The following PCNX2 variants were observed in gnomAD, a reference collection of about 807,000 sequenced individuals.
PCNX2 encodes pecanex-like protein 2.
A neutral mutation model predicts 223.8 loss-of-function variants in PCNX2; 168 were observed. The observed-to-expected ratio is 0.75, with a 90% CI of 0.66 to 0.85. The LOEUF (loss-of-function observed/expected upper bound fraction) is 0.85. Among genes scored for constraint, PCNX2 ranks in the 40% least tolerant of loss-of-function variants. The pLI, the probability that PCNX2 is intolerant of heterozygous loss-of-function variation, is 0.00. For synonymous variants in PCNX2, 1,006 were observed against 1,052.6 expected, an observed-to-expected ratio of 0.96 and a Z score of 0.86; for missense variants, 2,507 against 2,675.5, an observed-to-expected ratio of 0.94 and a Z score of 1.39.
chr1:233,243,073 G>A (rs551264188), intron 8 of PCNX2, among the ~76,000 whole-genome samples: 2 of 152,332 alleles, frequency 1.3e-5, no homozygotes, highest in Non-Finnish European at 2.9e-5. Context: ...TTCTGCAGCA[G>A]TCCACAAGAA....
intron 25 of PCNX2, among the ~76,000 whole-genome samples, chr1:233,048,011 T>C (rs1671877029): frequency 6.6e-6 from 1 of 152,188 alleles, no homozygotes; most frequent in African/African-American, 2.4e-5. Context: ...ATCATCCATA[T>C]TCTTGGACCA....
At chr1:233,007,736 C>T (rs978460508) in intron 28 of PCNX2, among the ~76,000 whole-genome samples, 9 of 151,674 alleles carry the variant, frequency 5.9e-5, no homozygotes, top group Non-Finnish European at 1.5e-5. Context: ...GACGGGGTTT[C>T]ACCATGTTGG....
At chr1:233,298,595 C>G (rs1027485725), upstream of PCNX2, among the ~76,000 whole-genome samples, 3 of 152,120 alleles carry the variant, frequency 2.0e-5, no homozygotes, top group Non-Finnish European at 4.4e-5. Flanking sequence ...AATATTAAAA[C>G]CTAAGTATGC....
intron 17 of PCNX2, chr1:233,172,389 C>T: frequency 1.0e-6 from 1 of 985,398 alleles, no homozygotes; most frequent in East Asian, 1.1e-4. Context: ...GATTTGGTGC[C>T]ATCTAGTTGT....
chr1:233,105,696 G>A (rs149137885), intron 21 of PCNX2, among the ~76,000 whole-genome samples: 14 of 152,228 alleles, frequency 9.2e-5, no homozygotes, highest in African/African-American at 2.6e-4. Context: ...TAAATGTGGC[G>A]TTAATAAAGG....
At chr1:233,071,996 T>G (rs1465236070) in intron 23 of PCNX2, among the ~76,000 whole-genome samples, 1 of 152,218 alleles carries the variant, frequency 6.6e-6, no homozygotes, top group Non-Finnish European at 1.5e-5. Context: ...ATGGGGTTGT[T>G]TTTCTCTTGT....
At chr1:233,075,738 C>CACA (rs773006844) in intron 23 of PCNX2, among the ~76,000 whole-genome samples, 29 of 147,836 alleles carry the variant, frequency 2.0e-4, no homozygotes, top group African/African-American at 7.0e-4. Flanking sequence ...CACACACACA[C>CACA]AACAGAAAAG....
chr1:233,218,532 G>T (rs990833767), intron 10 of PCNX2, among the ~76,000 whole-genome samples: 1 of 152,052 alleles, frequency 6.6e-6, no homozygotes, highest in Admixed American at 6.5e-5. Context: ...TTACAGGCGT[G>T]AGCCACCGTG....
chr1:233,071,992 T>G (rs1249494416), intron 23 of PCNX2, among the ~76,000 whole-genome samples: 1 of 152,196 alleles, frequency 6.6e-6, no homozygotes, highest in Non-Finnish European at 1.5e-5. Flanking sequence ...TTTAATGGGG[T>G]TGTTTTTCTC....
rs1243312441 is a variant in PCNX2 at position 233,258,122 on chromosome 1, G to A, written c.1740C>T (p.Val580=). 5.0e-6 allele frequency: 8 copies of A among 1,613,948 alleles called. 1 individual carries two copies. Among genetic ancestry groups the A allele is most frequent in the Admixed American group, 1.7e-5 (1 of 60,032 alleles). Residue 580 remains valine, a synonymous_variant, in exon 5 of 34, where the codon GTC becomes GTT. Transcript: ENST00000258229. ...MPNESNFLEF[V]SLLESINTSK... ...AAGTATTAATGGATTCTAACAGGGAGACAAATTCCAGGAAGTTGGACTCAT... is the reference window on the plus strand; with the variant it reads ...AAGTATTAATGGATTCTAACAGGGAAACAAATTCCAGGAAGTTGGACTCAT...
intron 21 of PCNX2, chr1:233,134,639 GAGAC>G (rs1168855344): frequency 8.0e-6 from 2 of 251,086 alleles, no homozygotes; most frequent in African/African-American, 4.4e-5. Flanking sequence ...AGAAGGGAGG[GAGAC>G]AGGGAGGGAG....
chr1:233,265,189 G>A (rs1660263229), intron 1 of PCNX2, among the ~76,000 whole-genome samples: 1 of 151,226 alleles, frequency 6.6e-6, no homozygotes, highest in South Asian at 2.1e-4. Flanking sequence ...TTTACAGTGA[G>A]CTATAATCAT....
chr1:233,086,283 A>G (rs1395377400), intron 23 of PCNX2, among the ~76,000 whole-genome samples: 1 of 152,204 alleles, frequency 6.6e-6, no homozygotes, highest in Non-Finnish European at 1.5e-5. Context: ...AGAAGGGTCT[A>G]TATCTGTGCT....
At chr1:233,193,954 G>A (rs149755095) in intron 15 of PCNX2, among the ~76,000 whole-genome samples, 79 of 151,948 alleles carry the variant, frequency 5.2e-4, no homozygotes, top group African/African-American at 1.9e-3. Context: ...ATAATTGGAG[G>A]CCCAAGAAGA....
intron 21 of PCNX2, among the ~76,000 whole-genome samples, chr1:233,125,069 A>G (rs1676021074): frequency 6.6e-6 from 1 of 152,242 alleles, no homozygotes; most frequent in Admixed American, 6.5e-5. Flanking sequence ...AAGGAAGAAC[A>G]GAGTACCTGA....
chr1:233,160,665 A>G (rs1678415706), intron 18 of PCNX2, among the ~76,000 whole-genome samples: 2 of 152,222 alleles, frequency 1.3e-5, no homozygotes, highest in South Asian at 2.1e-4. Context: ...ACAGAGGCCA[A>G]CAGAATTATG....
the PCNX2 span, among the ~76,000 whole-genome samples, chr1:233,307,796 G>A: frequency 6.6e-6 from 1 of 152,186 alleles, no homozygotes; most frequent in Non-Finnish European, 1.5e-5. Context: ...TAAATTGTCT[G>A]TGTGCTAAGG....
intron 21 of PCNX2, among the ~76,000 whole-genome samples, chr1:233,120,108 A>G (rs1468044253): frequency 7.0e-6 from 1 of 143,638 alleles, no homozygotes; most frequent in Non-Finnish European, 1.5e-5. Context: ...CAGAGGTTGC[A>G]GTGAGCCGAG....
At chr1:233,087,060 T>G in intron 23 of PCNX2, 1 of 985,236 alleles carries the variant, frequency 1.0e-6, no homozygotes. Flanking sequence ...GAACAGGAGG[T>G]CTGCAGGTTT....
Sources: gnomAD v4.1 joint callset for allele counts (sites outside exome capture counted in the v4.1 genomes callset) on GRCh38, gnomAD v4.1.1 for gene constraint, MANE v1.5 for transcripts, NCBI Gene and HGNC (gene_info 2026-07-23, HGNC 2026-07-21) for gene names.